The following EPHA6 variants were observed in gnomAD, a reference collection of about 807,000 sequenced individuals.
The protein encoded by EPHA6 is ephrin type-A receptor 6.
In EPHA6, 50 loss-of-function variants were observed where a neutral mutation model predicts 112.0. The observed-to-expected ratio is 0.45, with a 90% CI of 0.36 to 0.56. The LOEUF (loss-of-function observed/expected upper bound fraction) is 0.56, where lower values mean the gene tolerates loss of function less well. EPHA6 is among the 20% of genes least tolerant of loss of function. The probability of loss-of-function intolerance (pLI) is 0.00; values close to 1 mark genes in which losing one functional copy is unlikely to be tolerated. For synonymous variants in EPHA6, 529 were observed against 490.7 expected, an observed-to-expected ratio of 1.08 and a Z score of -1.03; for missense variants, 1,280 against 1,417.4, an observed-to-expected ratio of 0.90 and a Z score of 1.56.
chr3:96,899,637 T>C (rs1048101962), intron 2 of EPHA6, among the ~76,000 whole-genome samples: 2 of 152,164 alleles, frequency 1.3e-5, no homozygotes, highest in Non-Finnish European at 1.5e-5. Flanking sequence ...GAGATCTAAG[T>C]AGATTTAAAT....
At chr3:97,246,551 A>G (rs1202234677) in intron 5 of EPHA6, among the ~76,000 whole-genome samples, 1 of 151,860 alleles carries the variant, frequency 6.6e-6, no homozygotes, top group Non-Finnish European at 1.5e-5. Flanking sequence ...GAAGGATAAT[A>G]TCATTAAGCA....
At chr3:96,993,051 A>G (rs1196317018) in intron 3 of EPHA6, among the ~76,000 whole-genome samples, 1 of 152,110 alleles carries the variant, frequency 6.6e-6, no homozygotes, top group Non-Finnish European at 1.5e-5. Flanking sequence ...GCTCCTGTGG[A>G]ATGCTCTGTT....
intron 6 of EPHA6, chr3:97,447,768 A>G (rs753399504): frequency 1.1e-4 from 113 of 1,014,624 alleles, no homozygotes; most frequent in Non-Finnish European, 1.3e-4. Flanking sequence ...AAGTGAGATA[A>G]TTTGGCAATT....
chr3:96,879,445 G>A (rs751111530), intron 2 of EPHA6, among the ~76,000 whole-genome samples: 3 of 152,008 alleles, frequency 2.0e-5, no homozygotes, highest in Non-Finnish European at 4.4e-5. Flanking sequence ...AGTTAGTGGG[G>A]GATAGGGAAG....
chr3:96,820,539 C>A (rs1478053375), intron 1 of EPHA6, among the ~76,000 whole-genome samples: 2 of 151,852 alleles, frequency 1.3e-5, no homozygotes, highest in Non-Finnish European at 2.9e-5. Context: ...GCAAGAAGCC[C>A]AGATTAATTT....
intron 3 of EPHA6, among the ~76,000 whole-genome samples, chr3:97,150,474 G>C (rs1559758888): frequency 6.6e-6 from 1 of 151,994 alleles, no homozygotes; most frequent in Non-Finnish European, 1.5e-5. Context: ...TTTTAACCTA[G>C]CTTTGACCTG....
At chr3:97,142,467 G>T (rs909586740) in intron 3 of EPHA6, among the ~76,000 whole-genome samples, 1 of 151,744 alleles carries the variant, frequency 6.6e-6, no homozygotes, top group African/African-American at 2.4e-5. Context: ...ATTTAAATAA[G>T]CACAATCACA....
At chr3:97,151,131 G>A (rs911533523) in intron 3 of EPHA6, among the ~76,000 whole-genome samples, 1 of 152,026 alleles carries the variant, frequency 6.6e-6, no homozygotes, top group Admixed American at 6.6e-5. Flanking sequence ...CCTCGAAATA[G>A]GCCCTGTTAT....
chr3:97,437,241 T>A (rs1490944001), intron 6 of EPHA6, among the ~76,000 whole-genome samples: 3 of 152,116 alleles, frequency 2.0e-5, no homozygotes, highest in Non-Finnish European at 2.9e-5. Context: ...AAAATATCCA[T>A]CATCTAGATT....
intron 3 of EPHA6, among the ~76,000 whole-genome samples, chr3:97,129,518 CA>C (rs796445041): frequency 6.9e-4 from 93 of 135,324 alleles, no homozygotes; most frequent in Middle Eastern, 3.9e-3. Flanking sequence ...CAAAAACAAA[CA>C]AAAAAAAAAA....
At chr3:97,371,319 G>A (rs1232580221) in intron 5 of EPHA6, among the ~76,000 whole-genome samples, 2 of 152,112 alleles carry the variant, frequency 1.3e-5, no homozygotes, top group African/African-American at 4.8e-5. Flanking sequence ...AGAGGGACTG[G>A]CTGAAGCCAT....
At chr3:97,634,601 G>A (rs928353122) in intron 13 of EPHA6, among the ~76,000 whole-genome samples, 3 of 151,994 alleles carry the variant, frequency 2.0e-5, no homozygotes, top group East Asian at 1.9e-4. Context: ...GCCCTTAACC[G>A]AATCACTCCC....
At chr3:97,333,685 C>T (rs2082916754) in intron 5 of EPHA6, among the ~76,000 whole-genome samples, 1 of 151,848 alleles carries the variant, frequency 6.6e-6, no homozygotes, top group Non-Finnish European at 1.5e-5. Context: ...CACTAAGTTG[C>T]TTAGGCTGGT....
chr3:96,995,152 A>G (rs974910338), intron 3 of EPHA6, among the ~76,000 whole-genome samples: 3 of 152,050 alleles, frequency 2.0e-5, no homozygotes, highest in Admixed American at 6.6e-5. Context: ...TCATGGCGCA[A>G]TCCTCTGCTG....
At chr3:96,996,651 G>C (rs2107885118) in intron 3 of EPHA6, among the ~76,000 whole-genome samples, 1 of 152,110 alleles carries the variant, frequency 6.6e-6, no homozygotes, top group Admixed American at 6.6e-5. Context: ...CTTATTTTCT[G>C]AGCAGTAGGT....
intron 9 of EPHA6, among the ~76,000 whole-genome samples, chr3:97,480,311 G>A (rs1258908531): frequency 6.6e-6 from 1 of 151,814 alleles, no homozygotes; most frequent in African/African-American, 2.4e-5. Context: ...GGACAATAGT[G>A]GAGGGAAGGT....
intron 14 of EPHA6, among the ~76,000 whole-genome samples, chr3:97,665,828 C>T (rs781507619): frequency 1.2e-4 from 19 of 152,244 alleles, no homozygotes; most frequent in Non-Finnish European, 1.5e-4. Context: ...GAGGCCAAGG[C>T]GGGCAGATCA....
chr3:96,990,444 G>T (rs2043173414), intron 3 of EPHA6, among the ~76,000 whole-genome samples: 1 of 152,096 alleles, frequency 6.6e-6, no homozygotes, highest in African/African-American at 2.4e-5. Flanking sequence ...CCTTGTAGTG[G>T]ATGGCAGAAA....
At chr3:97,742,402 T>C (rs1576388579) in intron 16 of EPHA6, among the ~76,000 whole-genome samples, 1 of 152,318 alleles carries the variant, frequency 6.6e-6, no homozygotes, top group African/African-American at 2.4e-5. Flanking sequence ...TGGGAAATTC[T>C]TTATAAGTAT....
Sources: allele counts gnomAD v4.1 joint callset (sites outside exome capture counted in the v4.1 genomes callset), GRCh38; gene constraint gnomAD v4.1.1; transcripts MANE v1.5; gene names NCBI Gene and HGNC (gene_info 2026-07-23, HGNC 2026-07-21).